FERMT2: variants seen among roughly 807,000 people sequenced by gnomAD.
FERMT2 encodes the protein fermitin family homolog 2.
Under a neutral mutation model 82.7 loss-of-function variants are expected in FERMT2, and 15 were observed. The ratio of observed to expected loss-of-function variants is 0.18; its 90% CI spans 0.12 to 0.28. FERMT2 has a LOEUF of 0.28. Ranked by LOEUF, FERMT2 falls within the 10% of genes least tolerant of loss-of-function variation. The probability of loss-of-function intolerance (pLI) is 1.00; values close to 1 mark genes in which losing one functional copy is unlikely to be tolerated. For synonymous variants in FERMT2, 274 were observed against 271.5 expected (o/e 1.01, Z -0.09); for missense variants, 645 against 809.4 (o/e 0.80, Z 2.46).
chr14:52,897,999 CA>C (rs113303344), intron 3 of FERMT2, among the ~76,000 whole-genome samples: 12 of 133,102 alleles, frequency 9.0e-5, no homozygotes, highest in East Asian at 6.8e-4. Context: ...AAAAAACAAC[CA>C]AAAAAAAAAC....
intron 2 of FERMT2, among the ~76,000 whole-genome samples, chr14:52,926,147 T>TATC (rs745727968): frequency 5.9e-5 from 8 of 135,676 alleles, no homozygotes; most frequent in South Asian, 2.8e-4. Context: ...TATGATGACT[T>TATC]TAAAATACTT....
chr14:52,924,804 C>T (rs1889158784), intron 2 of FERMT2, among the ~76,000 whole-genome samples: 1 of 151,922 alleles, frequency 6.6e-6, no homozygotes, highest in South Asian at 2.1e-4. Flanking sequence ...AATGGCAGAC[C>T]CAAGGAGTAT....
At chr14:52,931,546 T>G (rs374028123) in intron 2 of FERMT2, among the ~76,000 whole-genome samples, 6 of 152,232 alleles carry the variant, frequency 3.9e-5, no homozygotes, top group African/African-American at 1.4e-4. Context: ...ATGAGGGAGT[T>G]GTCTAAGCTA....
At chr14:52,858,884 G>A (rs777386057) in intron 14 of FERMT2, 2 of 198,618 alleles carry the variant, frequency 1.0e-5, no homozygotes, top group East Asian at 1.2e-4. Flanking sequence ...CCTACTTCCT[G>A]TGTTTTAACG....
At chr14:52,863,431 C>T (rs944146851) in intron 12 of FERMT2, 2 of 152,076 alleles carry the variant, frequency 1.3e-5, no homozygotes, top group Admixed American at 6.5e-5. Flanking sequence ...TAAAGGTCTT[C>T]GTCTCCCCAC....
chr14:52,944,906 C>CT (rs879263740), intron 2 of FERMT2, among the ~76,000 whole-genome samples: 96 of 147,658 alleles, frequency 6.5e-4, no homozygotes, highest in Non-Finnish European at 1.0e-3. Context: ...TTTTCTTTTT[C>CT]TTTTTTTTTT....
At chr14:52,912,273 C>T (rs1188714654) in intron 3 of FERMT2, among the ~76,000 whole-genome samples, 1 of 152,112 alleles carries the variant, frequency 6.6e-6, no homozygotes, top group Non-Finnish European at 1.5e-5. Flanking sequence ...TAATCAAGTG[C>T]CTTAGTTCTT....
At chr14:52,945,678 T>C (rs1890315236) in intron 2 of FERMT2, among the ~76,000 whole-genome samples, 1 of 152,216 alleles carries the variant, frequency 6.6e-6, no homozygotes, top group Non-Finnish European at 1.5e-5. Flanking sequence ...ACATTCTCTC[T>C]ACTCATAGAA....
chr14:52,904,376 G>A (rs928117269), intron 3 of FERMT2, among the ~76,000 whole-genome samples: 1 of 152,196 alleles, frequency 6.6e-6, no homozygotes, highest in Non-Finnish European at 1.5e-5. Flanking sequence ...AATTAGCTGG[G>A]CATGGTGGCA....
chr14:52,870,397 A>G (rs927965308), intron 10 of FERMT2, among the ~76,000 whole-genome samples: 1 of 152,008 alleles, frequency 6.6e-6, no homozygotes. Context: ...TTACAGGCAT[A>G]TGCCACCATG....
At chr14:52,864,048 T>C (rs1292716371) in intron 12 of FERMT2, among the ~76,000 whole-genome samples, 1 of 152,190 alleles carries the variant, frequency 6.6e-6, no homozygotes, top group Non-Finnish European at 1.5e-5. Context: ...GGTTACTTTA[T>C]TTTCTACAGA....
intron 4 of FERMT2, among the ~76,000 whole-genome samples, chr14:52,888,252 A>T (rs1477661902): frequency 6.6e-6 from 1 of 152,236 alleles, no homozygotes; most frequent in Non-Finnish European, 1.5e-5. Context: ...AAGTATTTTT[A>T]AAATACGGAT....
At chr14:52,867,187 G>A (rs1885337507) in intron 10 of FERMT2, among the ~76,000 whole-genome samples, 1 of 149,626 alleles carries the variant, frequency 6.7e-6, no homozygotes, top group Admixed American at 6.7e-5. Context: ...TCCACCACCT[G>A]CCTTGGTCTC....
At chr14:52,879,124 A>G (rs941230350) in intron 6 of FERMT2, among the ~76,000 whole-genome samples, 4 of 152,186 alleles carry the variant, frequency 2.6e-5, no homozygotes, top group African/African-American at 9.6e-5. Context: ...TATTCTGGGG[A>G]ACATTTTGTT....
At chr14:52,915,974 C>T (rs1888591454) in intron 3 of FERMT2, among the ~76,000 whole-genome samples, 1 of 152,174 alleles carries the variant, frequency 6.6e-6, no homozygotes, top group African/African-American at 2.4e-5. Context: ...CAAAATGAAG[C>T]AACCAAGATA....
intron 2 of FERMT2, among the ~76,000 whole-genome samples, chr14:52,929,308 G>A (rs1185995155): frequency 6.6e-5 from 10 of 152,092 alleles, no homozygotes; most frequent in Non-Finnish European, 1.5e-4. Flanking sequence ...CCTATTTCAA[G>A]CTGCCATCAT....
At chr14:52,900,394 AG>A (rs1391064939) in intron 3 of FERMT2, among the ~76,000 whole-genome samples, 1 of 152,236 alleles carries the variant, frequency 6.6e-6, no homozygotes, top group Non-Finnish European at 1.5e-5. Context: ...CATGAGGGTG[AG>A]GGGAATTGAG....
rs745369873 is a variant in FERMT2, at chr14:52,875,349, G to A, written c.972C>T (p.Ile324=). The stretch of plus-strand genomic sequence containing the variant: ...CTGATGTCATGATTGACAGCTTATT[G>A]ATATGATACTGAAACCAGAATTATT... ...MMMFAALQYH[I]NKLSIMTSEN... The change falls in exon 8 of 15, where the codon ATC becomes ATT. Residue 324 remains isoleucine (I), a synonymous_variant. Coordinates refer to ENST00000341590, the MANE Select transcript of FERMT2 (RefSeq NM_006832.3). The A allele has an allele frequency of 1.3e-6, 2 of 1,593,660 alleles. No homozygotes were observed. The highest frequency in any genetic ancestry group is 1.3e-5 in the African/African-American group (1 of 74,208).
At chr14:52,881,909 A>C in intron 4 of FERMT2, 14 of 555,046 alleles carry the variant, frequency 2.5e-5, no homozygotes, top group Non-Finnish European at 3.4e-5. Context: ...TGAAAAGAAA[A>C]TGAGAAAAAG....
Sources: allele counts gnomAD v4.1 joint callset (sites outside exome capture counted in the v4.1 genomes callset), GRCh38; gene constraint gnomAD v4.1.1; transcripts MANE v1.5; gene names NCBI Gene and HGNC (gene_info 2026-07-23, HGNC 2026-07-21).